Variants in FGF13 observed in about 807,000 individuals in gnomAD.
FGF13 encodes fibroblast growth factor homologous factor 2.
Under a neutral mutation model 19.5 loss-of-function variants are expected in FGF13, and 2 were observed. The ratio of observed to expected loss-of-function variants is 0.10; its 90% CI spans 0.04 to 0.32. FGF13 has a LOEUF of 0.32. Ranked by LOEUF, FGF13 falls within the 10% of genes least tolerant of loss-of-function variation. The pLI, the probability that FGF13 is intolerant of heterozygous loss-of-function variation, is 1.00. For synonymous variants in FGF13, 72 were observed against 76.9 expected (o/e 0.94, Z 0.33); for missense variants, 113 against 192.7 (o/e 0.59, Z 2.45).
chrX:138,698,315 C>T (rs1480609211), intron 3 of FGF13, among the ~76,000 whole-genome samples: 21 of 109,918 alleles, frequency 1.9e-4, no homozygotes, highest in Non-Finnish European at 1.1e-4. Context: ...TTGAATTCAA[C>T]CCCCCCAAAA....
At chrX:138,959,404 G>A (rs144773482) in intron 1 of FGF13, among the ~76,000 whole-genome samples, 1,397 of 111,723 alleles carry the variant, frequency 0.013, 29 homozygotes, top group African/African-American at 0.043. Context: ...TATTATTTGT[G>A]TTCTTTTACA....
chrX:138,776,828 G>C (rs1317301558), intron 3 of FGF13, among the ~76,000 whole-genome samples: 1 of 111,223 alleles, frequency 9.0e-6, no homozygotes, highest in East Asian at 2.8e-4. Context: ...CCCATTTTAG[G>C]CCTTTAAACT....
At chrX:138,919,549 C>T (rs2091634389) in intron 1 of FGF13, among the ~76,000 whole-genome samples, 1 of 111,987 alleles carries the variant, frequency 8.9e-6, no homozygotes, top group South Asian at 3.7e-4. Context: ...TAAACCGACA[C>T]AACTGCATGC....
At chrX:139,038,304 C>T (rs762257189) in intron 1 of FGF13, among the ~76,000 whole-genome samples, 20 of 110,757 alleles carry the variant, frequency 1.8e-4, no homozygotes, top group Non-Finnish European at 3.4e-4. Context: ...CCGACCACAG[C>T]GTTGTATATA....
chrX:138,848,848 A>G (rs2091202608), intron 3 of FGF13, among the ~76,000 whole-genome samples: 1 of 110,114 alleles, frequency 9.1e-6, no homozygotes, highest in African/African-American at 3.4e-5. Context: ...TCTGTGAACT[A>G]TGTTACTTAA....
At chrX:139,003,270 G>A (rs2092082647) in intron 1 of FGF13, among the ~76,000 whole-genome samples, 1 of 109,694 alleles carries the variant, frequency 9.1e-6, no homozygotes, top group Non-Finnish European at 1.9e-5. Context: ...AGCGCGTCTG[G>A]AGTTGTTCGT....
chrX:139,143,245 G>A (rs1421604517), intron 1 of FGF13, among the ~76,000 whole-genome samples: 1 of 111,648 alleles, frequency 9.0e-6, no homozygotes, highest in African/African-American at 3.3e-5. Flanking sequence ...TATTTATGTG[G>A]TAATCTGGGT....
intron 1 of FGF13, among the ~76,000 whole-genome samples, chrX:138,955,667 T>C (rs2091837558): frequency 8.9e-6 from 1 of 111,871 alleles, no homozygotes; most frequent in Non-Finnish European, 1.9e-5. Flanking sequence ...CAATTTTTAA[T>C]TAGTTTTTAG....
intron 1 of FGF13, among the ~76,000 whole-genome samples, chrX:139,081,819 T>C (rs1467593569): frequency 1.8e-5 from 2 of 111,050 alleles, no homozygotes; most frequent in South Asian, 3.9e-4. Context: ...ACCTCTACTA[T>C]GACTACACTA....
intron 1 of FGF13, among the ~76,000 whole-genome samples, chrX:138,913,404 A>C (rs929601417): frequency 5.5e-5 from 6 of 108,708 alleles, no homozygotes; most frequent in African/African-American, 2.0e-4. Context: ...TGACCTTGTG[A>C]TCTGCCTGCC....
chrX:139,104,217 T>C (rs2083540121), intron 1 of FGF13, among the ~76,000 whole-genome samples: 1 of 111,141 alleles, frequency 9.0e-6, no homozygotes, highest in Non-Finnish European at 1.9e-5. Flanking sequence ...TGGACAATAA[T>C]AGAGAGGGTG....
chrX:138,827,082 T>A lies in FGF13; in HGVS notation c.217+30430A>T, dbSNP rs188525313. Among the ~76,000 whole-genome samples, 208 of 112,331 alleles carry A rather than the reference T, an allele frequency of 1.9e-3. 2 individuals are homozygous for A. Among genetic ancestry groups the A allele is most frequent in the Non-Finnish European group, 3.5e-3 (188 of 53,253 alleles). ...AGATTCAATGGTATCAAAGGAAAAG[T>A]CTGCCAGCTACCAGAGCATGTTCTA... On this transcript the variant is annotated intron_variant, in intron 3 of 6. Coordinates refer to the FGF13 transcript ENST00000436198.
chrX:138,927,204 TGAAA>T (rs2091678635), intron 1 of FGF13, among the ~76,000 whole-genome samples: 1 of 111,715 alleles, frequency 9.0e-6, no homozygotes, highest in African/African-American at 3.3e-5. Context: ...AATGGATGAA[TGAAA>T]GAATGAATAA....
At chrX:138,734,289 T>A (rs1420792309) in intron 1 of FGF13, among the ~76,000 whole-genome samples, 1 of 111,923 alleles carries the variant, frequency 8.9e-6, no homozygotes, top group African/African-American at 3.2e-5. Context: ...TGTCTTATTA[T>A]CTTGGTATTC....
intron 3 of FGF13, among the ~76,000 whole-genome samples, chrX:138,837,979 T>A (rs1161441974): frequency 8.9e-6 from 1 of 111,988 alleles, no homozygotes; most frequent in Non-Finnish European, 1.9e-5. Flanking sequence ...AGAAACAGCC[T>A]GGCCATGTTT....
At chrX:138,945,076 C>T (rs1284394059) in intron 1 of FGF13, among the ~76,000 whole-genome samples, 1 of 109,639 alleles carries the variant, frequency 9.1e-6, no homozygotes, top group Non-Finnish European at 1.9e-5. Flanking sequence ...CATATAAAAG[C>T]AGTCTACACT....
At chrX:139,038,535 C>G (rs1356217131) in intron 1 of FGF13, among the ~76,000 whole-genome samples, 1 of 111,423 alleles carries the variant, frequency 9.0e-6, no homozygotes, top group African/African-American at 3.3e-5. Flanking sequence ...TATATTCTCT[C>G]AAAAAAATCG....
intron 3 of FGF13, among the ~76,000 whole-genome samples, chrX:138,831,717 G>C (rs73241077): frequency 0.12 from 12,626 of 108,094 alleles, 722 homozygotes; most frequent in Admixed American, 0.18. Flanking sequence ...ACAATTGTAG[G>C]TTTTTTACGT....
chrX:139,096,910 C>T (rs750094115), intron 1 of FGF13, among the ~76,000 whole-genome samples: 17 of 111,676 alleles, frequency 1.5e-4, no homozygotes, highest in Non-Finnish European at 2.8e-4. Flanking sequence ...ATTAAAGAAA[C>T]AGATAATTCC....
Sources: gnomAD v4.1 joint callset for allele counts (sites outside exome capture counted in the v4.1 genomes callset) on GRCh38, gnomAD v4.1.1 for gene constraint, MANE v1.5 for transcripts, NCBI Gene and HGNC (gene_info 2026-07-23, HGNC 2026-07-21) for gene names.